The following ZNF701 variants were observed in gnomAD, a reference collection of about 807,000 sequenced individuals.
ZNF701 encodes the protein zinc finger protein 701.
Under a neutral mutation model 7.1 loss-of-function variants are expected in ZNF701, and 6 were observed. The ratio of observed to expected loss-of-function variants is 0.84; its 90% CI spans 0.46 to 1.66. The LOEUF (loss-of-function observed/expected upper bound fraction) is 1.66, where lower values mean the gene tolerates loss of function less well. ZNF701 is among the 40% of genes most tolerant of loss of function. The pLI is 0.01. For missense variants in ZNF701, 541 were observed against 559.2 expected (o/e 0.97, Z 0.33); for synonymous variants, 166 against 188.2 (o/e 0.88, Z 0.97).
rs980672703 is a variant in ZNF701 at position 52,572,383 on chromosome 19, C to G, written c.-71-1694C>G. 14 of 1,288,540 alleles carry G rather than the reference C, an allele frequency of 1.1e-5. No homozygotes were observed. In the African/African-American group the frequency reaches 2.1e-4, roughly 20 times the overall value. 79.8% of individuals were successfully genotyped at this position (1,288,540 alleles called of 1,614,324 possible). A position where few individuals can be genotyped will look rare whatever the true frequency, so the allele number is the denominator to read the frequency against. ...CTGTTTTGAAGGTAACTAGCTGTGTCTTTGTACATCTGCATTTTATAAATG... is the reference window on the plus strand; with the variant it reads ...CTGTTTTGAAGGTAACTAGCTGTGTGTTTGTACATCTGCATTTTATAAATG... On this transcript the variant is annotated intron_variant, in intron 1 of 3. Transcript: ENST00000391785.
chr19:52,587,148 A>G lies in ZNF701; in HGVS notation c.*3691A>G, dbSNP rs2060017476. The G allele has an allele frequency of 6.6e-6, 1 of 152,240 alleles. No homozygotes were observed. The allele number at this position is 152,240 out of a possible 1,614,324, so 9.4% of individuals were successfully genotyped here. On this transcript the variant is annotated 3_prime_UTR_variant, in exon 4 of 4. Coordinates refer to ENST00000391785, the MANE Select transcript of ZNF701 (RefSeq NM_018260.3). ...GAGGTTGACACCATGTATTTTAAAT[A>G]TGGAAAATAAATTACATTATTTGTA...
chr19:52,572,833 C>T (rs1458827575), intron 1 of ZNF701, among the ~76,000 whole-genome samples: 2 of 152,178 alleles, frequency 1.3e-5, no homozygotes, highest in African/African-American at 2.4e-5. Flanking sequence ...CTCCCTCTGC[C>T]CCAGTCACAT....
chr19:52,593,738 G>A, the ZNF701 span, among the ~76,000 whole-genome samples: 1 of 115,304 alleles, frequency 8.7e-6, no homozygotes, highest in Admixed American at 8.9e-5. Context: ...GCCGGGCAGA[G>A]ACGCTCCTCA....
intron 3 of ZNF701, among the ~76,000 whole-genome samples, chr19:52,581,984 G>C (rs551045090): frequency 6.6e-6 from 1 of 152,230 alleles, no homozygotes; most frequent in East Asian, 1.9e-4. Context: ...TCAGTGTTTC[G>C]TCATGATATT....
the ZNF701 span, among the ~76,000 whole-genome samples, chr19:52,599,298 GA>G: frequency 2.1e-3 from 322 of 152,146 alleles, no homozygotes; most frequent in African/African-American, 7.2e-3. Flanking sequence ...AACAACAAGG[GA>G]AACAGTACCT....
intron 1 of ZNF701, among the ~76,000 whole-genome samples, chr19:52,571,058 C>A (rs1242780544): frequency 1.3e-5 from 2 of 149,376 alleles, no homozygotes; most frequent in Non-Finnish European, 3.0e-5. Context: ...TAACAGATGG[C>A]AAAGTAGAGG....
downstream of ZNF701, among the ~76,000 whole-genome samples, chr19:52,590,900 C>T (rs763037237): frequency 5.9e-5 from 9 of 151,890 alleles, no homozygotes; most frequent in Non-Finnish European, 1.3e-4. Context: ...AGTGCAGTGG[C>T]GCCATCTAGG....
In ZNF701 at chr19:52,583,143, G is replaced by A. The variant is rs1600086647; in HGVS notation, c.1084G>A (p.Ala362Thr). 9 of 1,613,304 alleles carry A rather than the reference G, an allele frequency of 5.6e-6. No homozygotes were observed. In the African/African-American group the frequency reaches 1.1e-4, roughly 19 times the overall value. Residue 362 changes from alanine to threonine, a missense_variant, in exon 4 of 4, where the codon GCT (alanine) becomes ACT (threonine). Coordinates refer to ENST00000391785, the MANE Select transcript of ZNF701 (RefSeq NM_018260.3). ...KPYKCKVCDK[A>T]FRRDSHLAQH... The stretch of plus-strand genomic sequence containing the variant: ...ATACAAATGTAAGGTTTGTGACAAG[G>A]CTTTCAGACGTGATTCACACCTGGC...
At chr19:52,590,962 G>A (rs34281921), downstream of ZNF701, among the ~76,000 whole-genome samples, 19,380 of 151,844 alleles carry the variant, frequency 0.13, 1,328 homozygotes, top group Middle Eastern at 0.16. Flanking sequence ...GCCTCGCCCT[G>A]CTGAGTAGCT....
intron 2 of ZNF701, 133 bp downstream of exon 2, chr19:52,574,295 C>T: frequency 7.1e-7 from 1 of 1,416,462 alleles, no homozygotes; most frequent in South Asian, 1.2e-5. Flanking sequence ...TGCCTTCCCT[C>T]AGTCCCTGTC....
At chr19:52,570,973 T>G (rs2059894013) in intron 1 of ZNF701, 1 of 152,094 alleles carries the variant, frequency 6.6e-6, no homozygotes, top group African/African-American at 2.4e-5. Flanking sequence ...CCTGTGATTG[T>G]GTGGGCTAAA....
chr19:52,595,949 A>G, the ZNF701 span: 1 of 1,612,002 alleles, frequency 6.2e-7, no homozygotes, highest in Non-Finnish European at 8.5e-7. Flanking sequence ...GACCCAAGGG[A>G]AAATTGGTAA....
At chr19:52,576,832 T>TA (rs2146984607) in intron 3 of ZNF701, among the ~76,000 whole-genome samples, 1 of 152,290 alleles carries the variant, frequency 6.6e-6, no homozygotes, top group Admixed American at 6.5e-5. Context: ...CTCATGCTGA[T>TA]ATGTTATCTC....
At chr19:52,580,872 C>CAAGCTACT (rs2059970808) in intron 3 of ZNF701, among the ~76,000 whole-genome samples, 1 of 149,888 alleles carries the variant, frequency 6.7e-6, no homozygotes, top group Non-Finnish European at 1.5e-5. Flanking sequence ...GCCTGTAATC[C>CAAGCTACT]CAGGACTTCG....
At chr19:52,588,504 ATT>A, downstream of ZNF701, 1 of 276,308 alleles carries the variant, frequency 3.6e-6, no homozygotes, top group South Asian at 4.0e-5. Context: ...AAAAAGAAAA[ATT>A]AAATCTCATA....
In ZNF701 at chr19:52,583,594, G is replaced by A; in HGVS notation, c.*137G>A. ...TTCAAATCACTCCTTGAAATACATA[G>A]GAGAGTTCATACTGGAGAGAAACCA... On this transcript the variant is annotated 3_prime_UTR_variant, in exon 4 of 4. Transcript: ENST00000391785. 1 of 1,404,786 alleles carries A rather than the reference G, an allele frequency of 7.1e-7. No individual in the cohort carries two copies. Among genetic ancestry groups the A allele is most frequent in the South Asian group, 1.2e-5 (1 of 86,314 alleles). 87.0% of individuals were successfully genotyped at this position (1,404,786 alleles called of 1,614,324 possible).
At position 52,582,956 on chromosome 19, in the gene ZNF701, G is replaced by A. The variant is rs143730759; in HGVS notation, c.897G>A (p.Lys299=). 68 of 1,614,074 alleles carry A rather than the reference G, an allele frequency of 4.2e-5. No homozygotes were observed. In the East Asian group the frequency reaches 1.4e-3, roughly 34 times the overall value. Residue 299 remains lysine, a synonymous_variant, in exon 4 of 4, where the codon AAG becomes AAA. Transcript: ENST00000391785. The stretch of plus-strand genomic sequence containing the variant: ...TTCATACTGGAGAGAAACCTTACAA[G>A]TGTAATGAATGTGGCAAGGTTTTTA... ...KAIHTGEKPY[K]CNECGKVFNQ...
chr19:52,583,537 C>A lies in ZNF701; in HGVS notation c.*80C>A. ...GACTTTATACTGGAGAGAAACCTTACAAATGTGAAGAATGTGACAAAAGTT... is the reference window on the plus strand; with the variant it reads ...GACTTTATACTGGAGAGAAACCTTAAAAATGTGAAGAATGTGACAAAAGTT... On this transcript the variant is annotated 3_prime_UTR_variant, in exon 4 of 4. Coordinates refer to ENST00000391785, the MANE Select transcript of ZNF701 (RefSeq NM_018260.3). 3 of 1,596,540 alleles carry A rather than the reference C, an allele frequency of 1.9e-6. No homozygotes were observed. The highest frequency in any genetic ancestry group is 1.7e-5 in the Admixed American group (1 of 59,576).
At chr19:52,588,721 T>G (rs1283772690), downstream of ZNF701, 1 of 217,208 alleles carries the variant, frequency 4.6e-6, no homozygotes, top group East Asian at 1.1e-4. Context: ...CTCACAAGTT[T>G]GCTCGCACTC....
Sources: gnomAD v4.1 joint callset for allele counts (sites outside exome capture counted in the v4.1 genomes callset) on GRCh38, gnomAD v4.1.1 for gene constraint, MANE v1.5 for transcripts, NCBI Gene and HGNC (gene_info 2026-07-23, HGNC 2026-07-21) for gene names.